Variants in POFUT3 observed in about 807,000 individuals in gnomAD.
POFUT3 encodes GDP-fucose protein O-fucosyltransferase 3.
chr8:33,340,984 T>C, the POFUT3 span, among the ~76,000 whole-genome samples: 1 of 152,090 alleles, frequency 6.6e-6, no homozygotes, highest in Non-Finnish European at 1.5e-5. Flanking sequence ...AACAGAAGAA[T>C]ACATATTGTT....
At chr8:33,353,559 G>A in the POFUT3 span, among the ~76,000 whole-genome samples, 4 of 151,974 alleles carry the variant, frequency 2.6e-5, no homozygotes, top group African/African-American at 4.8e-5. Flanking sequence ...CTTGTTTTTC[G>A]TGCCCTTCAT....
chr8:33,337,728 A>T, the POFUT3 span, among the ~76,000 whole-genome samples: 4 of 152,200 alleles, frequency 2.6e-5, no homozygotes, highest in African/African-American at 9.6e-5. Flanking sequence ...AGAAATATAC[A>T]ACCTGTCAAC....
At chr8:33,386,188 CAAAAAAAAAAAA>C in the POFUT3 span, among the ~76,000 whole-genome samples, 3 of 32,044 alleles carry the variant, frequency 9.4e-5, no homozygotes, top group South Asian at 2.8e-3. Flanking sequence ...GGCTCCATCT[CAAAAAAAAAAAA>C]AAAAAAAAAA....
chr8:33,454,902 G>A, the POFUT3 span, among the ~76,000 whole-genome samples: 1 of 151,868 alleles, frequency 6.6e-6, no homozygotes, highest in Admixed American at 6.6e-5. Flanking sequence ...TCCTGACCTC[G>A]TGATCTGCCT....
chr8:33,345,054 G>T, the POFUT3 span, among the ~76,000 whole-genome samples: 1 of 152,164 alleles, frequency 6.6e-6, no homozygotes, highest in Non-Finnish European at 1.5e-5. Flanking sequence ...AGCCAACAGG[G>T]CATATTTTTA....
the POFUT3 span, among the ~76,000 whole-genome samples, chr8:33,397,319 A>T: frequency 1.3e-5 from 2 of 152,202 alleles, no homozygotes; most frequent in Admixed American, 6.5e-5. Flanking sequence ...TTTTGGGAAG[A>T]GCATTGTCCA....
the POFUT3 span, among the ~76,000 whole-genome samples, chr8:33,332,182 G>GAA: frequency 1.0e-5 from 1 of 99,976 alleles, no homozygotes; most frequent in African/African-American, 3.5e-5. Flanking sequence ...GGAGGAGGAG[G>GAA]AAAAAAAAAA....
the POFUT3 span, among the ~76,000 whole-genome samples, chr8:33,416,202 A>C: frequency 1.3e-5 from 2 of 152,270 alleles, no homozygotes; most frequent in Non-Finnish European, 2.9e-5. Context: ...AAAATGGCAA[A>C]GTATGGAAAA....
the POFUT3 span, among the ~76,000 whole-genome samples, chr8:33,460,137 C>A: frequency 1.3e-5 from 2 of 151,614 alleles, no homozygotes; most frequent in African/African-American, 4.8e-5. Flanking sequence ...AGTAGTGAGC[C>A]AAGATCGTGC....
At chr8:33,321,907 G>T in the POFUT3 span, among the ~76,000 whole-genome samples, 1 of 152,054 alleles carries the variant, frequency 6.6e-6, no homozygotes, top group East Asian at 1.9e-4. Flanking sequence ...CCATATCACA[G>T]CAACTGTTAC....
At chr8:33,471,698 A>C in the POFUT3 span, among the ~76,000 whole-genome samples, 1 of 152,228 alleles carries the variant, frequency 6.6e-6, no homozygotes, top group Non-Finnish European at 1.5e-5. Flanking sequence ...ATTTTTCAAA[A>C]ATATTGTTTG....
the POFUT3 span, chr8:33,371,696 G>A: frequency 6.6e-6 from 1 of 152,252 alleles, no homozygotes; most frequent in East Asian, 1.9e-4. Context: ...GACAGGAAAT[G>A]CCCACAAACT....
At chr8:33,309,167 A>AAAAAAAAT in the POFUT3 span, among the ~76,000 whole-genome samples, 4 of 53,690 alleles carry the variant, frequency 7.5e-5, no homozygotes, top group African/African-American at 1.8e-4. Context: ...AAAAAAAAAA[A>AAAAAAAAT]ATATATATAT....
the POFUT3 span, among the ~76,000 whole-genome samples, chr8:33,312,277 TAGAGAGAGAGAG>T: frequency 7.3e-6 from 1 of 137,546 alleles, no homozygotes; most frequent in Non-Finnish European, 1.6e-5. Flanking sequence ...AAAAAAGAAA[TAGAGAGAGAGAG>T]AGAGAGAGAG....
the POFUT3 span, among the ~76,000 whole-genome samples, chr8:33,313,491 A>G: frequency 5.3e-4 from 80 of 151,928 alleles, no homozygotes; most frequent in Non-Finnish European, 7.6e-4. Flanking sequence ...GCTCTGCTTG[A>G]GCTGTACTTT....
the POFUT3 span, among the ~76,000 whole-genome samples, chr8:33,426,284 G>A: frequency 6.6e-6 from 1 of 152,176 alleles, no homozygotes; most frequent in African/African-American, 2.4e-5. Flanking sequence ...TCTGTGGTCA[G>A]TATTGAATGA....
chr8:33,308,188 C>T, the POFUT3 span, among the ~76,000 whole-genome samples: 1 of 152,052 alleles, frequency 6.6e-6, no homozygotes, highest in Admixed American at 6.6e-5. Flanking sequence ...ATCAGTTGAA[C>T]AAAGACTGTA....
At chr8:33,367,731 C>A in the POFUT3 span, among the ~76,000 whole-genome samples, 1 of 151,744 alleles carries the variant, frequency 6.6e-6, no homozygotes, top group South Asian at 2.1e-4. Context: ...TTTTTTTTCC[C>A]CATGAGTGGA....
chr8:33,407,573 G>A, the POFUT3 span, among the ~76,000 whole-genome samples: 51,720 of 151,866 alleles, frequency 0.34, 9,187 homozygotes, highest in South Asian at 0.44. Flanking sequence ...CCAAATTATA[G>A]AGAATGTTAA....
Sources: gnomAD v4.1 joint callset for allele counts (sites outside exome capture counted in the v4.1 genomes callset) on GRCh38, gnomAD v4.1.1 for gene constraint, MANE v1.5 for transcripts, NCBI Gene and HGNC (gene_info 2026-07-23, HGNC 2026-07-21) for gene names.